The following NEDD9 variants were observed in gnomAD, a reference collection of about 807,000 sequenced individuals.
NEDD9 encodes the protein enhancer of filamentation 1.
NEDD9 carries 26 observed loss-of-function variants against 76.6 expected under a neutral mutation model. That is an observed-to-expected ratio of 0.34 (90% CI 0.25 to 0.47). NEDD9 has a LOEUF of 0.47. NEDD9 is among the 20% of genes least tolerant of loss of function. The pLI, the probability that NEDD9 is intolerant of heterozygous loss-of-function variation, is 1.00. For synonymous variants in NEDD9, 392 were observed against 414.2 expected (o/e 0.95, Z 0.65); for missense variants, 937 against 1,058.5 (o/e 0.89, Z 1.59).
Position 11,213,217 on chromosome 6 carries a change from T to A in NEDD9, c.459+64A>T. On this transcript the variant is annotated intron_variant, in intron 2 of 6. Coordinates refer to ENST00000379446, the MANE Select transcript of NEDD9 (RefSeq NM_006403.4). The surrounding 1 kb of genome is among the most constrained non-coding windows in gnomAD (Gnocchi z 5.4). ...TTATTAATTTGGGAACATTTCCAAATGCTCCAAGTGTAATGGGAAAAAAAA... is the reference window on the plus strand; with the variant it reads ...TTATTAATTTGGGAACATTTCCAAAAGCTCCAAGTGTAATGGGAAAAAAAA... 2.8e-6 allele frequency: 4 copies of A among 1,425,844 alleles called. No homozygotes were observed. Among genetic ancestry groups the A allele is most frequent in the Non-Finnish European group, 3.8e-6 (4 of 1,052,724 alleles). The allele number at this position is 1,425,844 out of a possible 1,614,324, so 88.3% of individuals were successfully genotyped here. A position where few individuals can be genotyped will look rare whatever the true frequency, so the allele number is the denominator to read the frequency against.
At chr6:11,185,850 G>C (rs771524103) in intron 6 of NEDD9, among the ~76,000 whole-genome samples, 179 bp from the exon 7 acceptor site, 3 of 152,158 alleles carry the variant, frequency 2.0e-5, no homozygotes, top group Admixed American at 6.5e-5. Flanking sequence ...GTAGACGTTG[G>C]GAAAGATGAT....
chr6:11,276,331 C>CTG (rs149776142), intron 3 of NEDD9, among the ~76,000 whole-genome samples: 1 of 152,048 alleles, frequency 6.6e-6, no homozygotes, highest in South Asian at 2.1e-4. Flanking sequence ...ATTATTGGCT[C>CTG]TGTGTGTGTG....
chr6:11,366,492 T>C (rs1287243303), intron 1 of NEDD9, among the ~76,000 whole-genome samples: 2 of 151,708 alleles, frequency 1.3e-5, no homozygotes, highest in African/African-American at 4.8e-5. Flanking sequence ...AAAAGGGATT[T>C]AGGATGAAAA....
At chr6:11,222,581 A>G (rs769883874) in intron 1 of NEDD9, among the ~76,000 whole-genome samples, 7 of 152,270 alleles carry the variant, frequency 4.6e-5, no homozygotes, top group Non-Finnish European at 8.8e-5. Flanking sequence ...CGCACATGTT[A>G]TACACCAGTT....
At chr6:11,351,391 T>C (rs936645623) in intron 1 of NEDD9, among the ~76,000 whole-genome samples, 1 of 152,120 alleles carries the variant, frequency 6.6e-6, no homozygotes, top group Non-Finnish European at 1.5e-5. Flanking sequence ...TTCATCCTGA[T>C]GGGGTTCAGG....
intron 2 of NEDD9, among the ~76,000 whole-genome samples, chr6:11,332,339 C>A (rs1228358293): frequency 3.3e-5 from 5 of 152,200 alleles, no homozygotes; most frequent in Admixed American, 2.6e-4. Flanking sequence ...AGGACTACTT[C>A]ACTGAGTGTG....
chr6:11,211,264 G>C (rs1033364606), intron 2 of NEDD9, among the ~76,000 whole-genome samples: 2 of 152,218 alleles, frequency 1.3e-5, no homozygotes, highest in Non-Finnish European at 2.9e-5. Flanking sequence ...CCCTCTGGAA[G>C]GACGGGGAGC....
intron 3 of NEDD9, among the ~76,000 whole-genome samples, chr6:11,267,366 T>G (rs1420273451): frequency 6.7e-6 from 1 of 149,242 alleles, no homozygotes; most frequent in Non-Finnish European, 1.5e-5. Flanking sequence ...GAAGCTTTGA[T>G]AAGGTCAGAT....
At chr6:11,334,245 A>G (rs1049720886) in intron 2 of NEDD9, among the ~76,000 whole-genome samples, 34 of 152,364 alleles carry the variant, frequency 2.2e-4, no homozygotes, top group African/African-American at 8.2e-4. Flanking sequence ...ATACACAAAC[A>G]TTAATAAGAA....
At chr6:11,277,674 G>C (rs1260995155) in intron 3 of NEDD9, among the ~76,000 whole-genome samples, 1 of 152,196 alleles carries the variant, frequency 6.6e-6, no homozygotes, top group Non-Finnish European at 1.5e-5. Context: ...CCATAGCAGT[G>C]TTGAACCATC....
At chr6:11,355,902 T>C (rs933239434) in intron 1 of NEDD9, among the ~76,000 whole-genome samples, 5 of 151,310 alleles carry the variant, frequency 3.3e-5, no homozygotes, top group Admixed American at 2.0e-4. Context: ...TTGTATTTTT[T>C]AGTAGAGACG....
At position 11,364,270 on chromosome 6, in the gene NEDD9, G is replaced by C. The variant is rs182404849; in HGVS notation, c.-214+17869C>G. 1.2e-4 allele frequency among the ~76,000 whole-genome samples: 19 copies of C among 152,288 alleles called. No homozygotes were observed. In the East Asian group the frequency reaches 3.1e-3, roughly 25 times the overall value. ...TTGCTGGAGGAGTTAAGTATGTCCT[G>C]TGTGACTCCCCTAGGAGAGGACTCT... On this transcript the variant is annotated intron_variant, in intron 1 of 3. Transcript: ENST00000397378.
chr6:11,222,115 A>G (rs541102649), intron 1 of NEDD9, among the ~76,000 whole-genome samples: 120 of 152,376 alleles, frequency 7.9e-4, no homozygotes, highest in African/African-American at 2.8e-3. Context: ...TTGAAAGAAG[A>G]AAAAGAGGTT....
At chr6:11,201,937 T>A (rs760103475) in intron 2 of NEDD9, among the ~76,000 whole-genome samples, 3 of 152,218 alleles carry the variant, frequency 2.0e-5, no homozygotes, top group African/African-American at 7.2e-5. Context: ...CAGTGGAGTT[T>A]ACCCATGAAT....
chr6:11,294,644 T>C (rs1760850027), intron 3 of NEDD9, among the ~76,000 whole-genome samples: 1 of 152,232 alleles, frequency 6.6e-6, no homozygotes, highest in Non-Finnish European at 1.5e-5. Context: ...TTTATAGCAA[T>C]GTAAGAACGA....
At chr6:11,354,876 G>T (rs1385368506) in intron 1 of NEDD9, among the ~76,000 whole-genome samples, 1 of 152,160 alleles carries the variant, frequency 6.6e-6, no homozygotes, top group Non-Finnish European at 1.5e-5. Flanking sequence ...CCGTCAGCTG[G>T]GTTGCTGGGA....
chr6:11,364,669 C>T (rs1389473341), intron 1 of NEDD9, among the ~76,000 whole-genome samples: 1 of 150,540 alleles, frequency 6.6e-6, no homozygotes, highest in Non-Finnish European at 1.5e-5. Flanking sequence ...TGTGTTCACT[C>T]AGTACATATT....
At chr6:11,371,826 GT>G (rs147008449) in intron 1 of NEDD9, among the ~76,000 whole-genome samples, 7 of 151,610 alleles carry the variant, frequency 4.6e-5, no homozygotes, top group East Asian at 1.9e-4. Flanking sequence ...ATTAAAGGCT[GT>G]TTTTTTTCTT....
chr6:11,222,975 C>T (rs7739306), intron 1 of NEDD9, among the ~76,000 whole-genome samples: 14,554 of 152,208 alleles, frequency 0.096, 1,235 homozygotes, highest in African/African-American at 0.22. Flanking sequence ...CCTCTGGGTA[C>T]GGGCAATGTT....
Sources: gnomAD v4.1 joint callset for allele counts (sites outside exome capture counted in the v4.1 genomes callset) on GRCh38, gnomAD v4.1.1 for gene constraint, Gnocchi (gnomAD v3.1) non-coding constraint, MANE v1.5 for transcripts, NCBI Gene and HGNC (gene_info 2026-07-23, HGNC 2026-07-21) for gene names.